TUBGCP4: variants seen among roughly 807,000 people sequenced by gnomAD.
The protein encoded by TUBGCP4 is tubulin gamma complex component 4, also known as gamma-tubulin complex component 4.
A neutral mutation model predicts 91.6 loss-of-function variants in TUBGCP4; 54 were observed. The observed-to-expected ratio is 0.59, with a 90% CI of 0.47 to 0.74. The LOEUF is 0.74. TUBGCP4 is among the 30% of genes least tolerant of loss of function. TUBGCP4 has a pLI of 0.00. For missense variants in TUBGCP4, 593 were observed against 800.9 expected, an observed-to-expected ratio of 0.74 and a Z score of 3.13; for synonymous variants, 297 against 302.8, an observed-to-expected ratio of 0.98 and a Z score of 0.20.
At chr15:43,398,307 G>A (rs2044614870) in intron 13 of TUBGCP4, 128 bp downstream of exon 13, 2 of 1,065,492 alleles carry the variant, frequency 1.9e-6, no homozygotes, top group Admixed American at 2.3e-5. Flanking sequence ...AGCTAGTCCA[G>A]AGCCTGAGCA....
chr15:43,399,027 T>C, intron 13 of TUBGCP4: 1 of 640,254 alleles, frequency 1.6e-6, no homozygotes, highest in African/African-American at 1.9e-5. Flanking sequence ...ATTTCTCCAG[T>C]TATCTAAAAA....
At chr15:43,381,805 G>A (rs1169985166) in intron 6 of TUBGCP4, among the ~76,000 whole-genome samples, 3 of 152,078 alleles carry the variant, frequency 2.0e-5, no homozygotes, top group Non-Finnish European at 4.4e-5. Flanking sequence ...CATTTGCCAC[G>A]TTTGATTTCT....
rs777120250 is a variant in TUBGCP4 at position 43,395,598 on chromosome 15, T to C, written c.1081T>C (p.Tyr361His). The change falls in exon 11 of 18, where the codon TAC (tyrosine) becomes CAC (histidine). Residue 361 changes from tyrosine to histidine, a missense_variant. Tyr to His is a moderately conservative substitution (Grantham distance 83, BLOSUM62 2). Transcript: ENST00000564079. Reference sequence around the variant, plus strand: ...CTTTCCTCAGATCATTAAAGACTTTTACCTTCTGGGACGTGGAGAACTGTT... The same window carrying C: ...CTTTCCTCAGATCATTAAAGACTTTCACCTTCTGGGACGTGGAGAACTGTT... Reference protein sequence around the residue: ...LGQLKIIKDFYLLGRGELFQA... With the variant: ...LGQLKIIKDFHLLGRGELFQA... 2.5e-6 allele frequency: 4 copies of C among 1,614,016 alleles called. No individual in the cohort carries two copies. The South Asian group carries it at 4.4e-5, about 18-fold the overall frequency.
chr15:43,407,613 C>A lies in TUBGCP4; in HGVS notation c.*2399C>A. 1 of 1,555,956 alleles carries A rather than the reference C, an allele frequency of 6.4e-7. No homozygotes were observed. The highest frequency in any genetic ancestry group is 1.2e-5 in the South Asian group (1 of 85,948). ...AAGTGAAGAAGGAAAGGACACTCAA[C>A]TTAGCCCTCCATTAGAAAGAGAGAT... is the stretch of plus-strand genomic sequence containing the variant. On this transcript the variant is annotated 3_prime_UTR_variant, in exon 18 of 18. Coordinates refer to ENST00000564079, the MANE Select transcript of TUBGCP4 (RefSeq NM_014444.5).
At chr15:43,404,387 T>A (rs1355642300) in intron 16 of TUBGCP4, 26 bp from the exon 17 acceptor site, 3 of 1,613,410 alleles carry the variant, frequency 1.9e-6, no homozygotes, top group Non-Finnish European at 2.5e-6. Context: ...TGAAGTGGAA[T>A]GACAGCTGAG....
intron 1 of TUBGCP4, 49 bp from the exon 2 acceptor site, chr15:43,376,049 G>A: frequency 6.2e-7 from 1 of 1,604,766 alleles, no homozygotes; most frequent in Non-Finnish European, 8.5e-7. Context: ...GCACCTGAAA[G>A]TTGGGGCAGC....
In TUBGCP4 at chr15:43,380,065, A is replaced by G; in HGVS notation, c.442-19A>G. The G allele has an allele frequency of 6.2e-7, 1 of 1,613,380 alleles. No homozygotes were observed. Among genetic ancestry groups the G allele is most frequent in the Non-Finnish European group, 8.5e-7 (1 of 1,179,276 alleles). On this transcript the variant is annotated intron_variant, in intron 5 of 17. Transcript: ENST00000564079. ...CTCTTAGAATGGAATCCAGTTTGACAAGGCCGTATTTTCCACAGATTCATG... is the reference window on the plus strand; with the variant it reads ...CTCTTAGAATGGAATCCAGTTTGACGAGGCCGTATTTTCCACAGATTCATG...
intron 7 of TUBGCP4, among the ~76,000 whole-genome samples, chr15:43,384,319 AAC>A (rs1175645156): frequency 6.6e-6 from 1 of 152,224 alleles, no homozygotes; most frequent in African/African-American, 2.4e-5. Flanking sequence ...TAGAAAAGTA[AAC>A]AGTTACATTA....
intron 10 of TUBGCP4, 50 bp from the exon 11 acceptor site, chr15:43,395,533 G>T (rs753694328): frequency 3.0e-6 from 4 of 1,346,846 alleles, no homozygotes; most frequent in Non-Finnish European, 4.3e-6. Flanking sequence ...AGGACAGTGA[G>T]GAGCTCCTGC....
At chr15:43,397,181 C>T (rs375594712) in intron 11 of TUBGCP4, 33 bp from the exon 12 acceptor site, 166 of 1,543,210 alleles carry the variant, frequency 1.1e-4, no homozygotes, top group Non-Finnish European at 1.4e-4. Flanking sequence ...TGTAGCCAAG[C>T]GTCCCTGTCA....
chr15:43,394,831 G>A (rs1023954436), intron 9 of TUBGCP4: 1 of 440,168 alleles, frequency 2.3e-6, no homozygotes, highest in African/African-American at 2.0e-5. Flanking sequence ...GTTTCCTGAG[G>A]CCTCCCTAGA....
rs773031644 is a variant in TUBGCP4, at chr15:43,409,750, A to T, written c.*4536A>T. The stretch of plus-strand genomic sequence containing the variant: ...AGGAATTTCCAAAAATTCTATATTA[A>T]AAAAAAAAACCAAGATAATAATTAC... On this transcript the variant is annotated 3_prime_UTR_variant, in exon 18 of 18. Coordinates refer to ENST00000564079, the MANE Select transcript of TUBGCP4 (RefSeq NM_014444.5). 9 of 1,281,582 alleles carry T rather than the reference A, an allele frequency of 7.0e-6. No individual in the cohort carries two copies. Among genetic ancestry groups the T allele is most frequent in the Non-Finnish European group, 9.5e-6 (9 of 949,706 alleles). 79.4% of individuals were successfully genotyped at this position (1,281,582 alleles called of 1,614,324 possible).
rs1398650318 is a variant in TUBGCP4, at chr15:43,406,693, G to A, written c.*1479G>A. ...AGGGAAGGAACTGCTTCCAGCTATT[G>A]TGACAATAATAATAATAATAATATT... is the stretch of plus-strand genomic sequence containing the variant. On this transcript the variant is annotated 3_prime_UTR_variant, in exon 18 of 18. Coordinates refer to ENST00000564079, the MANE Select transcript of TUBGCP4 (RefSeq NM_014444.5). 7 of 440,010 alleles carry A rather than the reference G, an allele frequency of 1.6e-5. No individual in the cohort carries two copies. The highest frequency in any genetic ancestry group is 1.4e-4 in the African/African-American group (7 of 48,908). 27.3% of individuals were successfully genotyped at this position (440,010 alleles called of 1,614,324 possible).
chr15:43,393,761 A>G (rs1159022338), intron 9 of TUBGCP4, among the ~76,000 whole-genome samples: 3 of 152,114 alleles, frequency 2.0e-5, no homozygotes, highest in Non-Finnish European at 4.4e-5. Context: ...CCATGTCCCT[A>G]CAAAGGACAT....
chr15:43,392,986 T>C (rs2044503452), intron 9 of TUBGCP4, among the ~76,000 whole-genome samples: 1 of 152,216 alleles, frequency 6.6e-6, no homozygotes, highest in African/African-American at 2.4e-5. Context: ...CCTGTCACTC[T>C]AGGTTAGTCT....
chr15:43,381,726 T>C (rs1166151235), intron 6 of TUBGCP4, among the ~76,000 whole-genome samples: 1 of 152,168 alleles, frequency 6.6e-6, no homozygotes, highest in Non-Finnish European at 1.5e-5. Context: ...AATGAGACCC[T>C]GTCTCAAAAC....
intron 8 of TUBGCP4, 76 bp from the exon 9 acceptor site, chr15:43,386,130 A>G: frequency 6.5e-7 from 1 of 1,547,004 alleles, no homozygotes; most frequent in Non-Finnish European, 8.7e-7. Context: ...CCCCACTGAG[A>G]TTAGCCCTCC....
At chr15:43,405,042 A>AAG in intron 17 of TUBGCP4, 160 bp from the exon 18 acceptor site, 1 of 753,230 alleles carries the variant, frequency 1.3e-6, no homozygotes, top group Non-Finnish European at 2.1e-6. Flanking sequence ...AAATGTCTGC[A>AAG]AGCAGATTTT....
chr15:43,387,641 T>C (rs1228934813), intron 9 of TUBGCP4, among the ~76,000 whole-genome samples: 3 of 151,886 alleles, frequency 2.0e-5, no homozygotes, highest in African/African-American at 7.3e-5. Flanking sequence ...TTTGTATTTT[T>C]AGTAGAGATG....
Sources: gnomAD v4.1 joint callset for allele counts (sites outside exome capture counted in the v4.1 genomes callset) on GRCh38, gnomAD v4.1.1 for gene constraint, MANE v1.5 for transcripts, NCBI Gene and HGNC (gene_info 2026-07-23, HGNC 2026-07-21) for gene names.